ADAMTS9: variants seen among roughly 807,000 people sequenced by gnomAD.
ADAMTS9 encodes A disintegrin and metalloproteinase with thrombospondin motifs 9.
A neutral mutation model predicts 257.1 loss-of-function variants in ADAMTS9; 107 were observed. The observed-to-expected ratio is 0.42, with a 90% confidence interval of 0.36 to 0.49. The LOEUF (loss-of-function observed/expected upper bound fraction) is 0.49. Among genes scored for constraint, ADAMTS9 ranks in the 20% least tolerant of loss-of-function variants. The probability of loss-of-function intolerance (pLI) is 0.03; values close to 1 mark genes in which losing one functional copy is unlikely to be tolerated. For missense variants in ADAMTS9, 2,353 were observed against 2,469.1 expected (o/e 0.95, Z 1.00); for synonymous variants, 982 against 880.9 (o/e 1.11, Z -2.03).
chr3:64,611,215 T>C (rs1286912174), intron 22 of ADAMTS9, among the ~76,000 whole-genome samples: 1 of 152,014 alleles, frequency 6.6e-6, no homozygotes, highest in East Asian at 1.9e-4. Context: ...AGCAGCACTA[T>C]TCACAATAGC....
rs58768047 is a variant in ADAMTS9, at chr3:64,682,272, G to T, written c.517-909C>A. On this transcript the variant is annotated intron_variant, in intron 2 of 39. Transcript: ENST00000498707. ...AAGAGTTACTGTGCAGATTAAATAAGATAATGATAATTAAGTGCTTAGCAA... is the reference window on the plus strand; with the variant it reads ...AAGAGTTACTGTGCAGATTAAATAATATAATGATAATTAAGTGCTTAGCAA... Among the ~76,000 whole-genome samples the T allele has an allele frequency of 2.2e-3, 329 of 152,284 alleles. 9 individuals are homozygous for T. In the East Asian group the frequency reaches 0.056, roughly 26 times the overall value.
In ADAMTS9 at chr3:64,619,256, A is replaced by G. The variant is rs117657857; in HGVS notation, c.2813+1858T>C. On this transcript the variant is annotated intron_variant, in intron 19 of 39. Transcript: ENST00000498707. Reference sequence around the variant, plus strand: ...TCTCGTTCTGATTCAATCAGTGGAGAAAAAACAGGTAAGGGGCTCCAAGCA... The same window carrying G: ...TCTCGTTCTGATTCAATCAGTGGAGGAAAAACAGGTAAGGGGCTCCAAGCA... 1.0e-3 allele frequency among the ~76,000 whole-genome samples: 154 copies of G among 152,228 alleles called. 3 individuals are homozygous for G. The East Asian group carries it at 0.016, about 16-fold the overall frequency.
At chr3:64,526,590 C>T (rs1368562302) in intron 38 of ADAMTS9, among the ~76,000 whole-genome samples, 1 of 152,172 alleles carries the variant, frequency 6.6e-6, no homozygotes, top group East Asian at 1.9e-4. Context: ...GGGCCAGGGC[C>T]TTCACGATAC....
At chr3:64,665,667 C>A (rs1418504054) in intron 3 of ADAMTS9, among the ~76,000 whole-genome samples, 3 of 152,182 alleles carry the variant, frequency 2.0e-5, no homozygotes, top group Non-Finnish European at 1.5e-5. Context: ...GCTGTATACT[C>A]CTAGTGGGGC....
At chr3:64,523,996 T>C (rs999512425) in intron 38 of ADAMTS9, among the ~76,000 whole-genome samples, 1 of 152,172 alleles carries the variant, frequency 6.6e-6, no homozygotes, top group African/African-American at 2.4e-5. Context: ...AAAACTGTTC[T>C]TATAGGCAAA....
intron 8 of ADAMTS9, among the ~76,000 whole-genome samples, chr3:64,652,984 C>T (rs1464956059): frequency 6.6e-6 from 1 of 152,154 alleles, no homozygotes; most frequent in African/African-American, 2.4e-5. Flanking sequence ...ATAAGGTATA[C>T]ATGAAACATA....
At chr3:64,589,121 T>G (rs940442026) in intron 28 of ADAMTS9, 10 of 152,208 alleles carry the variant, frequency 6.6e-5, no homozygotes, top group African/African-American at 2.4e-4. Flanking sequence ...AATCTTGATA[T>G]CATCCTGTTA....
Position 64,686,565 on chromosome 3 carries a change from T to C in ADAMTS9, c.516+3A>G, listed in dbSNP as rs1701912839. The C allele has an allele frequency of 6.2e-7, 1 of 1,602,492 alleles. No homozygotes were observed. Among genetic ancestry groups the C allele is most frequent in the Non-Finnish European group, 8.5e-7 (1 of 1,173,964 alleles). ...GGAGAGGAGGTGGCGCGCGCCCACT[T>C]ACCATTCCTGAGCAGAGGCTGATGA... is the stretch of plus-strand genomic sequence containing the variant. On this transcript the variant is annotated splice_donor_region_variant and intron_variant, in intron 2 of 39. Coordinates refer to ENST00000498707, the MANE Select transcript of ADAMTS9 (RefSeq NM_182920.2). The surrounding 1 kb of genome is among the most constrained non-coding windows in gnomAD (Gnocchi z 4.6).
chr3:64,555,322 G>T (rs1056857267), intron 30 of ADAMTS9, among the ~76,000 whole-genome samples: 1 of 152,214 alleles, frequency 6.6e-6, no homozygotes, highest in South Asian at 2.1e-4. Context: ...AGGAGGTGCG[G>T]TGGGGAGAAG....
chr3:64,563,596 C>T (rs1340121939), intron 29 of ADAMTS9, among the ~76,000 whole-genome samples: 2 of 152,094 alleles, frequency 1.3e-5, no homozygotes, highest in Admixed American at 1.3e-4. Flanking sequence ...TATGGTTCAA[C>T]GAAGGCACGG....
intron 37 of ADAMTS9, among the ~76,000 whole-genome samples, chr3:64,536,222 G>T (rs2083048200): frequency 3.3e-5 from 5 of 152,144 alleles, no homozygotes; most frequent in Admixed American, 3.3e-4. Context: ...TTCCAGTTTA[G>T]GGATCTGCAT....
chr3:64,643,445 A>ATTTTTTTTTTTTTTTTTTTTTTTTTTTT (rs57471985), intron 11 of ADAMTS9, among the ~76,000 whole-genome samples: 1 of 61,404 alleles, frequency 1.6e-5, no homozygotes, highest in Non-Finnish European at 2.9e-5. Context: ...TTACTCAATA[A>ATTTTTTTTTTTTTTTTTTTTTTTTTTTT]TTTTTTTTTT....
chr3:64,569,880 A>G (rs941808239), intron 28 of ADAMTS9, among the ~76,000 whole-genome samples: 1 of 152,216 alleles, frequency 6.6e-6, no homozygotes, highest in Non-Finnish European at 1.5e-5. Flanking sequence ...GAAGGAAGCC[A>G]TCCAACTTGA....
chr3:64,616,424 A>T (rs1259736609), intron 19 of ADAMTS9, among the ~76,000 whole-genome samples: 1 of 152,220 alleles, frequency 6.6e-6, no homozygotes, highest in Admixed American at 6.5e-5. Context: ...TTTTACCCCG[A>T]TAGTCAATCT....
intron 3 of ADAMTS9, among the ~76,000 whole-genome samples, chr3:64,675,932 A>G (rs149864791): frequency 1.3e-5 from 2 of 152,312 alleles, no homozygotes; most frequent in African/African-American, 4.8e-5. Context: ...TTTAATTATC[A>G]TCTTATGTTT....
chr3:64,652,504 G>A (rs768389341), intron 8 of ADAMTS9, among the ~76,000 whole-genome samples: 3 of 152,074 alleles, frequency 2.0e-5, no homozygotes, highest in African/African-American at 4.8e-5. Context: ...AATCTTAGTG[G>A]TTTCTTTATA....
chr3:64,655,154 A>G (rs1380181035), intron 6 of ADAMTS9, among the ~76,000 whole-genome samples: 1 of 152,260 alleles, frequency 6.6e-6, no homozygotes, highest in Non-Finnish European at 1.5e-5. Flanking sequence ...AAAAGCTGGC[A>G]ACACTGAACT....
At chr3:64,647,434 T>C (rs749275651) in intron 11 of ADAMTS9, among the ~76,000 whole-genome samples, 31 of 152,176 alleles carry the variant, frequency 2.0e-4, no homozygotes, top group African/African-American at 7.2e-4. Flanking sequence ...TCACGAGAAC[T>C]TGGATTTGGA....
At chr3:64,539,780 A>T (rs375046111) in intron 36 of ADAMTS9, among the ~76,000 whole-genome samples, 6 of 152,344 alleles carry the variant, frequency 3.9e-5, no homozygotes, top group South Asian at 2.1e-4. Context: ...TATTATTGCC[A>T]AAATGTGGCG....
Sources: gnomAD v4.1 joint callset for allele counts (sites outside exome capture counted in the v4.1 genomes callset) on GRCh38, gnomAD v4.1.1 for gene constraint, Gnocchi (gnomAD v3.1) non-coding constraint, MANE v1.5 for transcripts, NCBI Gene and HGNC (gene_info 2026-07-23, HGNC 2026-07-21) for gene names.